MORN1: variants seen among roughly 807,000 people sequenced by gnomAD.
MORN1 encodes MORN repeat containing 1.
Under a neutral mutation model 61.9 loss-of-function variants are expected in MORN1, and 67 were observed. That is an observed-to-expected ratio of 1.08 (90% CI 0.89 to 1.33). The LOEUF is 1.33. Among genes scored for constraint, MORN1 ranks in the 40% most tolerant of loss-of-function variants. The probability of loss-of-function intolerance (pLI) is 0.00; values close to 1 mark genes in which losing one functional copy is unlikely to be tolerated. For missense variants in MORN1, 752 were observed against 691.2 expected, an observed-to-expected ratio of 1.09 and a Z score of -0.99; for synonymous variants, 301 against 292.0, an observed-to-expected ratio of 1.03 and a Z score of -0.31.
intron 7 of MORN1, 135 bp downstream of exon 7, chr1:2,374,325 TG>T: frequency 1.5e-6 from 1 of 670,258 alleles, no homozygotes; most frequent in Non-Finnish European, 2.6e-6. Context: ...TTAAAAGGGG[TG>T]GGGTTTTATA....
intron 12 of MORN1, 124 bp from the exon 13 acceptor site, chr1:2,324,267 T>A: frequency 1.0e-6 from 1 of 964,736 alleles, no homozygotes; most frequent in Non-Finnish European, 1.5e-6. Context: ...AGCAGAGGCC[T>A]GCGAACCCCA....
intron 10 of MORN1, among the ~76,000 whole-genome samples, chr1:2,354,599 CCCT>C (rs905648726): frequency 6.6e-5 from 10 of 152,158 alleles, no homozygotes; most frequent in African/African-American, 2.4e-4. Flanking sequence ...CCTGGCCTCC[CCCT>C]CCTCTTCTCA....
chr1:2,385,014 G>T lies in MORN1; in HGVS notation c.501C>A (p.His167Gln), dbSNP rs767913017. ...AGCCGTCGGCGCAGCGCAGCACCCC[G>T]TGTCCCTGACGCCGGTCCCGGACCC... Reference protein sequence around the residue: ...GDWVRDRRQGHGVLRCADGST... With the variant: ...GDWVRDRRQGQGVLRCADGST... The change falls in exon 6 of 14, where the codon CAC becomes CAA. Residue 167 changes from histidine (H) to glutamine (Q), a missense_variant. By Grantham distance (24) the His-to-Gln change is conservative. Transcript: ENST00000378531. 1 of 1,597,914 alleles carries T rather than the reference G, an allele frequency of 6.3e-7. No homozygotes were observed. Among genetic ancestry groups the T allele is most frequent in the Non-Finnish European group, 8.5e-7 (1 of 1,173,888 alleles).
intron 10 of MORN1, among the ~76,000 whole-genome samples, chr1:2,348,661 A>G (rs1314906756): frequency 1.5e-5 from 2 of 136,422 alleles, no homozygotes; most frequent in Non-Finnish European, 3.4e-5. Context: ...GCACACACGC[A>G]CGCACACGCA....
At chr1:2,391,336 G>C in intron 1 of MORN1, 122 bp downstream of exon 1, 1 of 1,157,362 alleles carries the variant, frequency 8.6e-7, no homozygotes, top group African/African-American at 1.6e-5. Flanking sequence ...CCCTGGCTCC[G>C]CCGCGGCACC....
rs574240954 is a variant in MORN1, at chr1:2,388,259, C to T, written c.227G>A (p.Arg76His). ...CTCACCTGACCAGGCCCAGTGCCGG[C>T]GGCCTTCTCCCGTGATCTCTCCGTC... Reference protein sequence around the residue: ...FVDGEITGEGRRHWAWSGDTF... With the variant: ...FVDGEITGEGHRHWAWSGDTF... The change falls in exon 3 of 14, where the codon CGC (arginine) becomes CAC (histidine). Residue 76 changes from arginine to histidine, a missense_variant. Transcript: ENST00000378531. 36 of 1,613,716 alleles carry T rather than the reference C, an allele frequency of 2.2e-5. No individual in the cohort carries two copies. The highest frequency in any genetic ancestry group is 1.5e-4 in the African/African-American group (11 of 75,050).
At chr1:2,379,121 G>A (rs1642313674) in intron 6 of MORN1, 1 of 471,180 alleles carries the variant, frequency 2.1e-6, no homozygotes, top group South Asian at 1.5e-5. Context: ...GCTGTCGAGA[G>A]GGAGAACAGG....
chr1:2,344,742 C>T (rs1375469465), intron 10 of MORN1, among the ~76,000 whole-genome samples: 2 of 152,174 alleles, frequency 1.3e-5, no homozygotes, highest in African/African-American at 4.8e-5. Flanking sequence ...AACTCACAGG[C>T]TCTACGAGCC....
In MORN1 at chr1:2,372,043, A is replaced by G. The variant is rs751418318; in HGVS notation, c.745+438T>C. The G allele has an allele frequency of 4.8e-4, 97 of 200,164 alleles. No individual in the cohort carries two copies. The highest frequency in any genetic ancestry group is 1.8e-4 in the Non-Finnish European group (17 of 95,274). The allele number at this position is 200,164 out of a possible 1,614,324, so 12.4% of individuals were successfully genotyped here. A position where few individuals can be genotyped will look rare whatever the true frequency, so the allele number is the denominator to read the frequency against. ...ACACATGTCCACAGCAGCACTATTC[A>G]TAACAGCCCAAGGTACAAACAACTG... On this transcript the variant is annotated intron_variant, in intron 8 of 13. Coordinates refer to ENST00000378531, the MANE Select transcript of MORN1 (RefSeq NM_024848.3). The surrounding 1 kb of genome is among the most constrained non-coding windows in gnomAD (Gnocchi z 5.4).
At chr1:2,378,906 C>T (rs115741525) in intron 6 of MORN1, 155 of 456,130 alleles carry the variant, frequency 3.4e-4, no homozygotes, top group African/African-American at 2.4e-3. Flanking sequence ...GCCTGAGCCG[C>T]GTGGCTCCTG....
intron 13 of MORN1, chr1:2,322,122 C>T (rs754390161): frequency 9.0e-5 from 89 of 985,306 alleles, no homozygotes; most frequent in Non-Finnish European, 9.5e-5. Context: ...TGGAGGGCGG[C>T]CCTGCTGGGG....
At chr1:2,390,315 G>A (rs1012054103) in intron 1 of MORN1, 3 of 701,104 alleles carry the variant, frequency 4.3e-6, no homozygotes, top group Non-Finnish European at 5.3e-6. Context: ...TGAGGAGCAG[G>A]TTGGGAGCCT....
At chr1:2,349,725 G>A (rs1038193592) in intron 10 of MORN1, among the ~76,000 whole-genome samples, 1 of 152,192 alleles carries the variant, frequency 6.6e-6, no homozygotes, top group African/African-American at 2.4e-5. Flanking sequence ...TTACGGGCAA[G>A]ATTGAATTAG....
intron 12 of MORN1, among the ~76,000 whole-genome samples, chr1:2,333,017 G>T (rs1641192901): frequency 1.3e-5 from 2 of 152,226 alleles, no homozygotes; most frequent in African/African-American, 2.4e-5. Context: ...CAAGGGGCTT[G>T]CTCTGGAACT....
chr1:2,379,196 A>G (rs1409378260), intron 6 of MORN1: 1 of 470,356 alleles, frequency 2.1e-6, no homozygotes, highest in East Asian at 6.9e-5. Context: ...TGTCTCCTTG[A>G]GTTTCTCCTA....
intron 6 of MORN1, among the ~76,000 whole-genome samples, chr1:2,379,874 G>A (rs1361065676): frequency 6.6e-6 from 1 of 152,200 alleles, no homozygotes; most frequent in African/African-American, 2.4e-5. Context: ...ATCCGATGCA[G>A]CAGTCTCACC....
At chr1:2,349,808 A>G (rs1184103386) in intron 10 of MORN1, among the ~76,000 whole-genome samples, 1 of 152,236 alleles carries the variant, frequency 6.6e-6, no homozygotes, top group Non-Finnish European at 1.5e-5. Flanking sequence ...CATCTGATGA[A>G]TACTCAAAAC....
chr1:2,384,745 G>A (rs527477466), intron 6 of MORN1, among the ~76,000 whole-genome samples: 15 of 152,182 alleles, frequency 9.9e-5, no homozygotes, highest in South Asian at 2.1e-4. Flanking sequence ...GCCTCTCCGC[G>A]TACCTCCTGA....
chr1:2,323,207 C>T (rs1192955061), intron 13 of MORN1: 1 of 985,300 alleles, frequency 1.0e-6, no homozygotes, highest in Non-Finnish European at 1.2e-6. Context: ...CGTGGCACTC[C>T]AGCCGCTCCC....
Sources: allele counts gnomAD v4.1 joint callset (sites outside exome capture counted in the v4.1 genomes callset), GRCh38; gene constraint gnomAD v4.1.1; non-coding constraint Gnocchi (gnomAD v3.1); transcripts MANE v1.5; gene names NCBI Gene and HGNC (gene_info 2026-07-23, HGNC 2026-07-21).